UGT2B7: variants seen among roughly 807,000 people sequenced by gnomAD.
UGT2B7 encodes UDP glucuronosyltransferase family 2 member B7.
In UGT2B7, 51 loss-of-function variants were observed where a neutral mutation model predicts 51.9. That is an observed-to-expected ratio of 0.98 (90% CI 0.78 to 1.24). The LOEUF is 1.24. Among genes scored for constraint, UGT2B7 ranks in the 50% most tolerant of loss-of-function variants. UGT2B7 has a pLI of 0.00. For synonymous variants in UGT2B7, 225 were observed against 211.6 expected (o/e 1.06, Z -0.55); for missense variants, 727 against 628.4 (o/e 1.16, Z -1.68).
At chr4:69,079,581 A>G (rs540815340) in intron 1 of UGT2B7, among the ~76,000 whole-genome samples, 3 of 152,284 alleles carry the variant, frequency 2.0e-5, no homozygotes, top group Admixed American at 2.0e-4. Context: ...TATCCTGTGA[A>G]GTATATTTTC....
chr4:69,098,856 GTA>G (rs1328932045), intron 2 of UGT2B7, among the ~76,000 whole-genome samples, 168 bp downstream of exon 2: 1 of 151,852 alleles, frequency 6.6e-6, no homozygotes, highest in African/African-American at 2.4e-5. Flanking sequence ...ACCATCACAC[GTA>G]TATGAGTTTT....
chr4:69,094,951 C>A (rs4538548), upstream of UGT2B7, among the ~76,000 whole-genome samples: 1 of 151,496 alleles, frequency 6.6e-6, no homozygotes, highest in Non-Finnish European at 1.5e-5. Context: ...GTTTCTTTGC[C>A]CCTCCAAAAG....
At chr4:69,063,325 A>AAAAAAAAAAAAG (rs1718399943) in intron 1 of UGT2B7, among the ~76,000 whole-genome samples, 1 of 126,514 alleles carries the variant, frequency 7.9e-6, no homozygotes, top group African/African-American at 3.2e-5. Context: ...TCTCAAAAAA[A>AAAAAAAAAAAAG]AAAAAAAAAA....
At chr4:69,075,042 T>C (rs1718674033) in intron 1 of UGT2B7, among the ~76,000 whole-genome samples, 1 of 152,198 alleles carries the variant, frequency 6.6e-6, no homozygotes, top group Non-Finnish European at 1.5e-5. Context: ...TTTAAAATGC[T>C]TAATGAATGT....
chr4:69,064,956 C>A (rs972815246), intron 1 of UGT2B7, among the ~76,000 whole-genome samples: 3 of 152,038 alleles, frequency 2.0e-5, no homozygotes, highest in African/African-American at 7.2e-5. Flanking sequence ...ATAGTGGTGG[C>A]AGGTAACAGA....
chr4:69,081,826 A>C (rs1457585788), intron 1 of UGT2B7, among the ~76,000 whole-genome samples: 1 of 152,160 alleles, frequency 6.6e-6, no homozygotes, highest in Non-Finnish European at 1.5e-5. Flanking sequence ...TCAGAGAACA[A>C]GCATACCTTA....
At chr4:69,091,991 G>T (rs1400299262), upstream of UGT2B7, among the ~76,000 whole-genome samples, 1 of 152,152 alleles carries the variant, frequency 6.6e-6, no homozygotes, top group African/African-American at 2.4e-5. Context: ...CACCCAGGCT[G>T]AAGTGCAATC....
intron 1 of UGT2B7, among the ~76,000 whole-genome samples, chr4:69,074,193 T>A (rs1718655243): frequency 1.3e-5 from 2 of 151,982 alleles, no homozygotes; most frequent in African/African-American, 4.8e-5. Context: ...ATTAAAATAC[T>A]AGTTGGGTGT....
At chr4:69,073,636 T>A (rs1393960081) in intron 1 of UGT2B7, among the ~76,000 whole-genome samples, 1 of 152,100 alleles carries the variant, frequency 6.6e-6, no homozygotes, top group Non-Finnish European at 1.5e-5. Flanking sequence ...AAGAGTTAAG[T>A]CAGAATGAAA....
intron 1 of UGT2B7, among the ~76,000 whole-genome samples, chr4:69,056,439 G>C (rs1718200924): frequency 6.6e-6 from 1 of 152,182 alleles, no homozygotes; most frequent in South Asian, 2.1e-4. Context: ...GCTAGCAGCT[G>C]AAAGAAAAGT....
chr4:69,083,642 A>C (rs4640729), intron 1 of UGT2B7, among the ~76,000 whole-genome samples: 1 of 151,858 alleles, frequency 6.6e-6, no homozygotes, highest in East Asian at 1.9e-4. Context: ...CATTTTTGTA[A>C]CTTTGTAAAT....
At chr4:69,073,384 A>AT in intron 1 of UGT2B7, among the ~76,000 whole-genome samples, 2 of 152,154 alleles carry the variant, frequency 1.3e-5, no homozygotes, top group East Asian at 3.9e-4. Flanking sequence ...TCCTGCAGTG[A>AT]TTTTTTCAAG....
chr4:69,099,003 A>G (rs771478517), intron 2 of UGT2B7, among the ~76,000 whole-genome samples: 4 of 151,990 alleles, frequency 2.6e-5, no homozygotes, highest in African/African-American at 4.8e-5. Flanking sequence ...GATTAGCACA[A>G]AACACAGGTA....
chr4:69,082,994 G>A (rs188303750), intron 1 of UGT2B7, among the ~76,000 whole-genome samples: 31 of 152,194 alleles, frequency 2.0e-4, no homozygotes, highest in Admixed American at 1.5e-3. Flanking sequence ...TAGAGTCCTT[G>A]AGAATTATGA....
At position 69,106,279 on chromosome 4, in the gene UGT2B7, G is replaced by A. The variant is rs189578688; in HGVS notation, c.1003-896G>A. ...CCTCCACCCTCCAATACACCACAGTGTATGTTGTTCCTGTCTATTTGTCCA... is the reference window on the plus strand; with the variant it reads ...CCTCCACCCTCCAATACACCACAGTATATGTTGTTCCTGTCTATTTGTCCA... On this transcript the variant is annotated intron_variant, in intron 3 of 5. Transcript: ENST00000305231. 1.8e-3 allele frequency among the ~76,000 whole-genome samples: 278 copies of A among 152,002 alleles called. 2 individuals are homozygous for A. Among genetic ancestry groups the A allele is most frequent in the African/African-American group, 6.5e-3 (268 of 41,436 alleles).
chr4:69,069,536 T>C (rs529821518), intron 1 of UGT2B7: 1 of 152,238 alleles, frequency 6.6e-6, no homozygotes, highest in East Asian at 1.9e-4. Flanking sequence ...TTATTTTTCA[T>C]CCACTTTTAT....
chr4:69,104,243 C>CA (rs1480613740), intron 3 of UGT2B7, among the ~76,000 whole-genome samples: 1 of 152,082 alleles, frequency 6.6e-6, no homozygotes, highest in Non-Finnish European at 1.5e-5. Flanking sequence ...GCCAAGATCA[C>CA]ACCAATGCAC....
At chr4:69,072,656 G>A (rs1718625173) in intron 1 of UGT2B7, among the ~76,000 whole-genome samples, 1 of 152,004 alleles carries the variant, frequency 6.6e-6, no homozygotes, top group Non-Finnish European at 1.5e-5. Flanking sequence ...AAAAATTACT[G>A]AATAACAGTA....
chr4:69,087,675 T>C (rs909151979), intron 1 of UGT2B7, among the ~76,000 whole-genome samples: 1 of 151,742 alleles, frequency 6.6e-6, no homozygotes, highest in Admixed American at 6.6e-5. Flanking sequence ...TATCACTCTT[T>C]CAGGTTTGAA....
Sources: gnomAD v4.1 joint callset for allele counts (sites outside exome capture counted in the v4.1 genomes callset) on GRCh38, gnomAD v4.1.1 for gene constraint, MANE v1.5 for transcripts, NCBI Gene and HGNC (gene_info 2026-07-23, HGNC 2026-07-21) for gene names.